IQGAP2: variants seen among roughly 807,000 people sequenced by gnomAD.
IQGAP2 encodes the protein IQ motif containing GTPase activating protein 2.
A neutral mutation model predicts 201.3 loss-of-function variants in IQGAP2; 173 were observed. The observed-to-expected ratio is 0.86, with a 90% confidence interval of 0.76 to 0.98. The LOEUF (loss-of-function observed/expected upper bound fraction) is 0.98, where lower values mean the gene tolerates loss of function less well. Among genes scored for constraint, IQGAP2 ranks in the 50% least tolerant of loss-of-function variants. The pLI is 0.00. For missense variants in IQGAP2, 1,687 were observed against 1,864.8 expected (o/e 0.90, Z 1.76); for synonymous variants, 675 against 673.9 (o/e 1.00, Z -0.03).
chr5:76,551,055 G>A (rs955313584), intron 2 of IQGAP2, among the ~76,000 whole-genome samples: 2 of 151,364 alleles, frequency 1.3e-5, no homozygotes, highest in African/African-American at 4.9e-5. Context: ...CGGACGGGGT[G>A]GCTGCCGGGC....
chr5:76,684,259 A>C (rs1044158132), intron 30 of IQGAP2, among the ~76,000 whole-genome samples: 2 of 152,220 alleles, frequency 1.3e-5, no homozygotes, highest in African/African-American at 4.8e-5. Flanking sequence ...GAGGAAATTC[A>C]GTTAACCAAC....
intron 33 of IQGAP2, among the ~76,000 whole-genome samples, chr5:76,698,820 A>T (rs898803662): frequency 6.6e-6 from 1 of 152,210 alleles, no homozygotes; most frequent in Non-Finnish European, 1.5e-5. Context: ...ATGGTGCTGT[A>T]TGGAAAAATC....
chr5:76,511,305 A>C (rs1195919122), intron 2 of IQGAP2, among the ~76,000 whole-genome samples: 2 of 152,136 alleles, frequency 1.3e-5, no homozygotes, highest in Non-Finnish European at 2.9e-5. Context: ...TTGTTACTTC[A>C]TGGTCACAAG....
chr5:76,438,271 A>G (rs2150101090), intron 1 of IQGAP2, among the ~76,000 whole-genome samples: 1 of 151,700 alleles, frequency 6.6e-6, no homozygotes, highest in African/African-American at 2.4e-5. Flanking sequence ...AGTTCTTGTT[A>G]TTGGTCTTTT....
intron 2 of IQGAP2, among the ~76,000 whole-genome samples, chr5:76,551,817 T>G (rs1743557318): frequency 6.8e-6 from 1 of 147,876 alleles, no homozygotes. Context: ...CAGTCCAGCC[T>G]CCGCTGGGCA....
At chr5:76,666,977 C>T (rs887520135) in intron 22 of IQGAP2, among the ~76,000 whole-genome samples, 2 of 152,134 alleles carry the variant, frequency 1.3e-5, no homozygotes, top group African/African-American at 4.8e-5. Flanking sequence ...AACACCTGAG[C>T]TCAAGTGATC....
chr5:76,612,821 A>T (rs1350596064), intron 13 of IQGAP2, among the ~76,000 whole-genome samples: 1 of 152,176 alleles, frequency 6.6e-6, no homozygotes, highest in Non-Finnish European at 1.5e-5. Flanking sequence ...CTGGAAGGTG[A>T]ACTAGAAGGC....
chr5:76,657,894 T>C (rs1358641256), intron 20 of IQGAP2, among the ~76,000 whole-genome samples: 2 of 152,224 alleles, frequency 1.3e-5, no homozygotes, highest in African/African-American at 4.8e-5. Flanking sequence ...ATCTTTTTAT[T>C]TCAGCTAAGT....
intron 2 of IQGAP2, among the ~76,000 whole-genome samples, chr5:76,481,679 C>T (rs1755801649): frequency 6.6e-6 from 1 of 152,122 alleles, no homozygotes; most frequent in Non-Finnish European, 1.5e-5. Flanking sequence ...CCACCACACC[C>T]GATCCAATGT....
chr5:76,407,684 C>A (rs1243187040), intron 1 of IQGAP2, among the ~76,000 whole-genome samples: 1 of 152,180 alleles, frequency 6.6e-6, no homozygotes, highest in Non-Finnish European at 1.5e-5. Flanking sequence ...ATGCTGTTAG[C>A]CAGAATGACT....
intron 28 of IQGAP2, chr5:76,677,583 A>G: frequency 3.0e-6 from 1 of 330,208 alleles, no homozygotes; most frequent in Non-Finnish European, 5.4e-6. Flanking sequence ...CTAGACATTA[A>G]TAAAACTTCT....
intron 17 of IQGAP2, 122 bp downstream of exon 17, chr5:76,641,225 A>G (rs1751556163): frequency 1.4e-6 from 1 of 724,128 alleles, no homozygotes; most frequent in Admixed American, 2.8e-5. Context: ...ATATTTTTAC[A>G]TAATCAGTGC....
intron 2 of IQGAP2, among the ~76,000 whole-genome samples, chr5:76,501,144 G>T (rs1373901895): frequency 2.6e-5 from 4 of 152,086 alleles, no homozygotes; most frequent in Admixed American, 2.6e-4. Flanking sequence ...TACATAAACA[G>T]AAATATAGTA....
At chr5:76,590,805 G>T (rs897984248) in intron 8 of IQGAP2, among the ~76,000 whole-genome samples, 1 of 152,192 alleles carries the variant, frequency 6.6e-6, no homozygotes, top group African/African-American at 2.4e-5. Context: ...GAATTTTATA[G>T]TCCAGGCATG....
chr5:76,622,123 C>T (rs1296098014), intron 13 of IQGAP2, among the ~76,000 whole-genome samples: 2 of 152,088 alleles, frequency 1.3e-5, no homozygotes, highest in Non-Finnish European at 2.9e-5. Context: ...TTCTCCCCCA[C>T]CCCATGGAAG....
chr5:76,512,923 C>T (rs561801005), intron 2 of IQGAP2, among the ~76,000 whole-genome samples: 5 of 152,176 alleles, frequency 3.3e-5, no homozygotes, highest in African/African-American at 7.2e-5. Context: ...GGCATGATGG[C>T]GCACGCCTGT....
chr5:76,527,847 G>T (rs1759058386), intron 2 of IQGAP2, among the ~76,000 whole-genome samples: 1 of 152,162 alleles, frequency 6.6e-6, no homozygotes, highest in Non-Finnish European at 1.5e-5. Flanking sequence ...AAACTTCCAA[G>T]ACCCTAAGCT....
rs114888501 is a variant in IQGAP2, at chr5:76,511,666, T to G, written c.146+49997T>G. On this transcript the variant is annotated intron_variant, in intron 2 of 35. Coordinates refer to ENST00000274364, the MANE Select transcript of IQGAP2 (RefSeq NM_006633.5). ...GAAGTGTCTTTCTTAAATGAGTTTTTTTTTGTTTTGTTTTGTTTTGTTTTT... is the reference window on the plus strand; with the variant it reads ...GAAGTGTCTTTCTTAAATGAGTTTTGTTTTGTTTTGTTTTGTTTTGTTTTT... 6.2e-3 allele frequency among the ~76,000 whole-genome samples: 913 copies of G among 147,590 alleles called. 12 individuals are homozygous for G. The highest frequency in any genetic ancestry group is 0.02 in the African/African-American group (808 of 39,536).
chr5:76,476,271 C>A (rs1452401280), intron 2 of IQGAP2, among the ~76,000 whole-genome samples: 1 of 152,020 alleles, frequency 6.6e-6, no homozygotes, highest in African/African-American at 2.4e-5. Context: ...AAGGAAAAGT[C>A]CTGGAGGTCA....
Sources: gnomAD v4.1 joint callset for allele counts (sites outside exome capture counted in the v4.1 genomes callset) on GRCh38, gnomAD v4.1.1 for gene constraint, MANE v1.5 for transcripts, NCBI Gene and HGNC (gene_info 2026-07-23, HGNC 2026-07-21) for gene names.